The following NKAIN3 variants were observed in gnomAD, a reference collection of about 807,000 sequenced individuals.
The protein encoded by NKAIN3 is sodium/potassium transporting ATPase interacting 3, also known as sodium/potassium-transporting ATPase subunit beta-1-interacting protein 3.
NKAIN3 carries 25 observed loss-of-function variants against 30.2 expected under a neutral mutation model. The observed-to-expected ratio is 0.83, with a 90% CI of 0.60 to 1.16. The LOEUF is 1.16. NKAIN3 is among the 50% of genes most tolerant of loss of function. NKAIN3 has a pLI of 0.00. For missense variants in NKAIN3, 225 were observed against 254.1 expected, an observed-to-expected ratio of 0.89 and a Z score of 0.78; for synonymous variants, 91 against 89.6, an observed-to-expected ratio of 1.02 and a Z score of -0.09.
At chr8:62,325,050 G>A (rs987216027) in intron 1 of NKAIN3, among the ~76,000 whole-genome samples, 4 of 151,978 alleles carry the variant, frequency 2.6e-5, no homozygotes, top group African/African-American at 9.7e-5. Flanking sequence ...GTTATTTAGT[G>A]GTGATTTCTG....
At chr8:62,614,196 G>T (rs1811377904) in intron 3 of NKAIN3, among the ~76,000 whole-genome samples, 1 of 152,088 alleles carries the variant, frequency 6.6e-6, no homozygotes, top group Non-Finnish European at 1.5e-5. Flanking sequence ...AAGGACTTGG[G>T]TATTGTGATC....
In NKAIN3 at chr8:62,855,742, C is replaced by T. The variant is rs1820042674; in HGVS notation, c.472-62711C>T. On this transcript the variant is annotated intron_variant, in intron 4 of 6. Transcript: ENST00000623646. ...CGATAGCCTTCATCTTGTCCACCTG[C>T]TCTGGAGTTGCCATGACTTTCAGTA... The T allele has an allele frequency of 8.4e-6, 12 of 1,428,008 alleles. No individual in the cohort carries two copies. The South Asian group carries it at 1.4e-4, about 16-fold the overall frequency. The allele number at this position is 1,428,008 out of a possible 1,614,324, so 88.5% of individuals were successfully genotyped here. A position where few individuals can be genotyped will look rare whatever the true frequency, so the allele number is the denominator to read the frequency against.
At chr8:62,714,735 C>A (rs1342060687) in intron 3 of NKAIN3, among the ~76,000 whole-genome samples, 1 of 152,126 alleles carries the variant, frequency 6.6e-6, no homozygotes, top group Admixed American at 6.5e-5. Context: ...TGCAATTTTT[C>A]TTTTTTTACA....
chr8:62,765,107 TGTG>T (rs1454820447), intron 4 of NKAIN3, among the ~76,000 whole-genome samples: 1 of 151,440 alleles, frequency 6.6e-6, no homozygotes, highest in African/African-American at 2.4e-5. Flanking sequence ...ATTAGCTGTA[TGTG>T]GTGGTGTGTG....
chr8:62,594,362 G>A (rs1397115435), intron 3 of NKAIN3, among the ~76,000 whole-genome samples: 1 of 151,980 alleles, frequency 6.6e-6, no homozygotes, highest in Non-Finnish European at 1.5e-5. Context: ...TTCCTCATTA[G>A]CCATTCTGCC....
intron 1 of NKAIN3, among the ~76,000 whole-genome samples, chr8:62,481,435 C>T (rs1806715267): frequency 1.3e-5 from 2 of 152,064 alleles, no homozygotes; most frequent in Admixed American, 1.3e-4. Flanking sequence ...CTGTGCATAA[C>T]TCTATCATTG....
At chr8:62,694,242 C>A (rs576527352) in intron 3 of NKAIN3, among the ~76,000 whole-genome samples, 66 of 152,248 alleles carry the variant, frequency 4.3e-4, no homozygotes, top group African/African-American at 1.6e-3. Context: ...CTCCCCACTA[C>A]CCTTCCTAGC....
At chr8:62,517,593 G>A (rs1808032851) in intron 1 of NKAIN3, among the ~76,000 whole-genome samples, 1 of 152,092 alleles carries the variant, frequency 6.6e-6, no homozygotes, top group Non-Finnish European at 1.5e-5. Context: ...ACTACAAAGA[G>A]GCAGGGAAGT....
At chr8:62,923,535 G>T (rs766079924) in intron 5 of NKAIN3, among the ~76,000 whole-genome samples, 4 of 152,114 alleles carry the variant, frequency 2.6e-5, no homozygotes, top group African/African-American at 4.8e-5. Context: ...AATGCAATTA[G>T]ATATATTTTT....
intron 1 of NKAIN3, among the ~76,000 whole-genome samples, chr8:62,506,115 T>C (rs1023951509): frequency 3.7e-4 from 52 of 139,560 alleles, no homozygotes; most frequent in African/African-American, 1.3e-3. Flanking sequence ...TATTGGACAC[T>C]TCTGGATAAA....
At chr8:62,749,647 G>T (rs1586158649) in intron 4 of NKAIN3, among the ~76,000 whole-genome samples, 2 of 140,440 alleles carry the variant, frequency 1.4e-5, no homozygotes, top group African/African-American at 2.6e-5. Context: ...ATATGATTAT[G>T]TATACTTATT....
intron 3 of NKAIN3, among the ~76,000 whole-genome samples, chr8:62,622,923 ATT>A (rs1358101828): frequency 6.6e-6 from 1 of 151,996 alleles, no homozygotes; most frequent in Non-Finnish European, 1.5e-5. Flanking sequence ...TCCATGATCC[ATT>A]TTGAGTTAAT....
At chr8:62,776,808 C>G (rs1817204624) in intron 4 of NKAIN3, among the ~76,000 whole-genome samples, 1 of 152,030 alleles carries the variant, frequency 6.6e-6, no homozygotes, top group Non-Finnish European at 1.5e-5. Context: ...GAGATTTGTA[C>G]CTTCAGATGA....
intron 4 of NKAIN3, among the ~76,000 whole-genome samples, chr8:62,790,012 A>G (rs1817652029): frequency 1.3e-5 from 2 of 152,166 alleles, no homozygotes; most frequent in African/African-American, 4.8e-5. Flanking sequence ...ACAATAAAAA[A>G]AGAGAATTTT....
intron 1 of NKAIN3, among the ~76,000 whole-genome samples, chr8:62,305,338 C>T (rs997280907): frequency 1.3e-5 from 2 of 150,190 alleles, no homozygotes; most frequent in South Asian, 2.1e-4. Flanking sequence ...AGGGAGAAAT[C>T]GAATTTGAGT....
chr8:62,302,587 C>T (rs1814085713), intron 1 of NKAIN3, among the ~76,000 whole-genome samples: 2 of 151,952 alleles, frequency 1.3e-5, no homozygotes, highest in South Asian at 4.1e-4. Flanking sequence ...TGTCAATATA[C>T]TTGTTGGATT....
At chr8:62,301,096 A>C (rs1179591844) in intron 1 of NKAIN3, among the ~76,000 whole-genome samples, 1 of 152,120 alleles carries the variant, frequency 6.6e-6, no homozygotes, top group East Asian at 1.9e-4. Flanking sequence ...AAATGTAGTA[A>C]AAGTATGAAA....
At chr8:62,521,759 G>A (rs923283426) in intron 1 of NKAIN3, among the ~76,000 whole-genome samples, 20 of 152,138 alleles carry the variant, frequency 1.3e-4, no homozygotes, top group African/African-American at 4.1e-4. Flanking sequence ...CTGAGGGGCT[G>A]TCAATTCAAG....
intron 1 of NKAIN3, among the ~76,000 whole-genome samples, chr8:62,323,609 T>C (rs1023450298): frequency 6.6e-6 from 1 of 152,128 alleles, no homozygotes; most frequent in Non-Finnish European, 1.5e-5. Flanking sequence ...TAGTTCTTAT[T>C]ATCAGGGATA....
Sources: allele counts gnomAD v4.1 joint callset (sites outside exome capture counted in the v4.1 genomes callset), GRCh38; gene constraint gnomAD v4.1.1; transcripts MANE v1.5; gene names NCBI Gene and HGNC (gene_info 2026-07-23, HGNC 2026-07-21).